TFDP2: variants seen among roughly 807,000 people sequenced by gnomAD.
The protein encoded by TFDP2 is transcription factor Dp-2 (E2F dimerization partner 2).
A neutral mutation model predicts 59.3 loss-of-function variants in TFDP2; 17 were observed. The ratio of observed to expected loss-of-function variants is 0.29; its 90% CI spans 0.20 to 0.43. The LOEUF is 0.43. Among genes scored for constraint, TFDP2 ranks in the 20% least tolerant of loss-of-function variants. TFDP2 has a pLI of 1.00. For synonymous variants in TFDP2, 180 were observed against 194.7 expected, an observed-to-expected ratio of 0.92 and a Z score of 0.63; for missense variants, 391 against 528.8, an observed-to-expected ratio of 0.74 and a Z score of 2.56.
chr3:141,985,364 AC>A (rs1040720724), intron 6 of TFDP2, among the ~76,000 whole-genome samples: 12 of 151,870 alleles, frequency 7.9e-5, no homozygotes, highest in African/African-American at 2.7e-4. Flanking sequence ...CCTCATCTCT[AC>A]AAAAAATGTA....
At chr3:141,993,320 T>C (rs1474320395) in intron 6 of TFDP2, among the ~76,000 whole-genome samples, 6 of 152,206 alleles carry the variant, frequency 3.9e-5, no homozygotes, top group Non-Finnish European at 5.9e-5. Flanking sequence ...AAGGACATAC[T>C]ACCAATAGTC....
At chr3:142,067,119 C>T (rs1044236487) in intron 3 of TFDP2, among the ~76,000 whole-genome samples, 1 of 152,094 alleles carries the variant, frequency 6.6e-6, no homozygotes, top group Non-Finnish European at 1.5e-5. Flanking sequence ...TCTGCTGCCA[C>T]CATTTTTATC....
chr3:141,977,628 T>G (rs767898428), intron 7 of TFDP2, among the ~76,000 whole-genome samples: 3 of 152,092 alleles, frequency 2.0e-5, no homozygotes, highest in Non-Finnish European at 4.4e-5. Context: ...CTTTTCCAAT[T>G]AAAAATAAAA....
intron 1 of TFDP2, among the ~76,000 whole-genome samples, chr3:142,119,825 C>T (rs768587875): frequency 1.3e-5 from 2 of 152,094 alleles, no homozygotes; most frequent in Admixed American, 6.5e-5. Flanking sequence ...CCAAGGCAGG[C>T]GGATCACGAG....
chr3:142,075,467 T>G (rs1326604992), intron 3 of TFDP2, among the ~76,000 whole-genome samples: 1 of 152,210 alleles, frequency 6.6e-6, no homozygotes, highest in Non-Finnish European at 1.5e-5. Context: ...TGCGAAAGTT[T>G]AGTATCCTGC....
At chr3:142,130,834 C>T (rs2062475974) in intron 1 of TFDP2, among the ~76,000 whole-genome samples, 1 of 151,858 alleles carries the variant, frequency 6.6e-6, no homozygotes, top group Admixed American at 6.6e-5. Context: ...GATGGCTCAC[C>T]TGAGGTCAGG....
intron 11 of TFDP2, among the ~76,000 whole-genome samples, chr3:141,955,558 C>A (rs1053209248): frequency 1.3e-5 from 2 of 152,008 alleles, no homozygotes; most frequent in African/African-American, 4.8e-5. Context: ...GGGGCCCTTG[C>A]AGGGGATGAA....
intron 3 of TFDP2, among the ~76,000 whole-genome samples, chr3:142,007,152 C>T (rs954996930): frequency 9.9e-5 from 15 of 152,168 alleles, no homozygotes; most frequent in African/African-American, 2.7e-4. Context: ...ACTCTGTCTC[C>T]GGAATTTTCA....
At chr3:142,098,032 T>C (rs1162800865) in intron 2 of TFDP2, among the ~76,000 whole-genome samples, 2 of 152,086 alleles carry the variant, frequency 1.3e-5, no homozygotes, top group Non-Finnish European at 2.9e-5. Flanking sequence ...ACCTCAAGTA[T>C]CGCCTGCCTT....
At chr3:142,048,591 G>T (rs1411196092) in intron 3 of TFDP2, among the ~76,000 whole-genome samples, 1 of 151,934 alleles carries the variant, frequency 6.6e-6, no homozygotes, top group East Asian at 1.9e-4. Context: ...TATTTTATAG[G>T]GTCTCGCTCT....
chr3:142,075,043 T>C (rs947465462), intron 3 of TFDP2, among the ~76,000 whole-genome samples: 1 of 152,104 alleles, frequency 6.6e-6, no homozygotes, highest in Non-Finnish European at 1.5e-5. Context: ...ATTCTCACGT[T>C]ACACCATTAA....
At chr3:142,089,227 T>C (rs1192243152) in intron 3 of TFDP2, among the ~76,000 whole-genome samples, 1 of 146,318 alleles carries the variant, frequency 6.8e-6, no homozygotes, top group African/African-American at 2.5e-5. Flanking sequence ...CCCTCTCTCC[T>C]CAGTAGAAAA....
chr3:141,985,477 G>A (rs958453081), intron 6 of TFDP2, among the ~76,000 whole-genome samples: 3 of 132,738 alleles, frequency 2.3e-5, no homozygotes, highest in Non-Finnish European at 4.5e-5. Flanking sequence ...CCATGACTGC[G>A]CCACTGCACT....
At chr3:141,959,575 G>C (rs1358308006) in intron 11 of TFDP2, 99 bp downstream of exon 11, 21 of 1,311,284 alleles carry the variant, frequency 1.6e-5, no homozygotes, top group Non-Finnish European at 2.2e-5. Context: ...CACAAGCACA[G>C]ATGTTCTAAA....
chr3:141,982,857 T>G (rs890684966), intron 6 of TFDP2, among the ~76,000 whole-genome samples: 1 of 152,194 alleles, frequency 6.6e-6, no homozygotes, highest in Non-Finnish European at 1.5e-5. Flanking sequence ...TGAAGAAAAC[T>G]TGGTTAAATA....
At chr3:142,066,139 G>A (rs1213006129) in intron 3 of TFDP2, among the ~76,000 whole-genome samples, 1 of 152,186 alleles carries the variant, frequency 6.6e-6, no homozygotes, top group East Asian at 1.9e-4. Context: ...TCCCTACAGG[G>A]AGCCATTCCA....
chr3:142,056,852 A>G (rs1197665000), intron 3 of TFDP2, among the ~76,000 whole-genome samples: 1 of 152,152 alleles, frequency 6.6e-6, no homozygotes, highest in East Asian at 1.9e-4. Flanking sequence ...GCAGATGACT[A>G]CAGCCCTGGC....
intron 3 of TFDP2, among the ~76,000 whole-genome samples, chr3:142,038,252 C>T (rs984876836): frequency 2.6e-5 from 4 of 151,700 alleles, no homozygotes; most frequent in Non-Finnish European, 4.4e-5. Context: ...GGAGTAGTGG[C>T]GGAAGCCTGT....
At chr3:142,084,228 C>A (rs1055929555) in intron 3 of TFDP2, among the ~76,000 whole-genome samples, 2 of 152,058 alleles carry the variant, frequency 1.3e-5, no homozygotes, top group Non-Finnish European at 2.9e-5. Flanking sequence ...ATAAAAAGTG[C>A]TCAAAATCAC....
Sources: gnomAD v4.1 joint callset for allele counts (sites outside exome capture counted in the v4.1 genomes callset) on GRCh38, gnomAD v4.1.1 for gene constraint, MANE v1.5 for transcripts, NCBI Gene and HGNC (gene_info 2026-07-23, HGNC 2026-07-21) for gene names.